PCDH15: variants seen among roughly 807,000 people sequenced by gnomAD.
PCDH15 encodes the protein protocadherin-15.
PCDH15 carries 129 observed loss-of-function variants against 178.5 expected under a neutral mutation model. The observed-to-expected ratio is 0.72, with a 90% CI of 0.63 to 0.84. The LOEUF is 0.84. Among genes scored for constraint, PCDH15 ranks in the 40% least tolerant of loss-of-function variants. The pLI, the probability that PCDH15 is intolerant of heterozygous loss-of-function variation, is 0.00. For missense variants in PCDH15, 2,230 were observed against 2,099.9 expected (o/e 1.06, Z -1.21); for synonymous variants, 800 against 732.0 (o/e 1.09, Z -1.50).
At chr10:55,359,230 T>A (rs1251698276) in intron 2 of PCDH15, among the ~76,000 whole-genome samples, 2 of 151,786 alleles carry the variant, frequency 1.3e-5, no homozygotes, top group African/African-American at 2.4e-5. Context: ...GTTTTTTTTT[T>A]AAATGGCACA....
chr10:54,216,265 G>C (rs1246116445), intron 9 of PCDH15, among the ~76,000 whole-genome samples: 1 of 151,790 alleles, frequency 6.6e-6, no homozygotes, highest in Non-Finnish European at 1.5e-5. Context: ...AGACCAGCCT[G>C]GCCAACATGG....
intron 21 of PCDH15, among the ~76,000 whole-genome samples, chr10:53,964,218 G>A (rs2088690952): frequency 6.6e-6 from 1 of 151,850 alleles, no homozygotes; most frequent in Non-Finnish European, 1.5e-5. Flanking sequence ...TGAAATTATA[G>A]CATATATTTT....
chr10:53,959,936 G>A, intron 22 of PCDH15, 92 bp from the exon 23 acceptor site: 2 of 998,268 alleles, frequency 2.0e-6, no homozygotes, highest in Non-Finnish European at 3.1e-6. Context: ...TTATTGGATT[G>A]CCTGGTTCCA....
At chr10:55,392,336 A>T (rs1565091384) in intron 2 of PCDH15, among the ~76,000 whole-genome samples, 1 of 152,214 alleles carries the variant, frequency 6.6e-6, no homozygotes, top group South Asian at 2.1e-4. Context: ...AATAGTTGCA[A>T]AGTGCAATAA....
chr10:55,112,813 A>G lies in PCDH15; in HGVS notation c.-80+53763T>C, dbSNP rs148895693. Among the ~76,000 whole-genome samples the G allele has an allele frequency of 3.1e-3, 477 of 152,312 alleles. 3 individuals are homozygous for G. The highest frequency in any genetic ancestry group is 0.011 in the African/African-American group (467 of 41,566). On this transcript the variant is annotated intron_variant, in intron 2 of 5. Coordinates refer to the PCDH15 transcript ENST00000458638. ...GCAACACACTTATCAATCAAAAGGTAGATAGTAGCTAGAAATTAGCCAGCC... is the reference window on the plus strand; with the variant it reads ...GCAACACACTTATCAATCAAAAGGTGGATAGTAGCTAGAAATTAGCCAGCC...
intron 3 of PCDH15, among the ~76,000 whole-genome samples, chr10:54,456,229 G>C (rs1025364216): frequency 5.9e-5 from 9 of 152,284 alleles, no homozygotes; most frequent in African/African-American, 2.2e-4. Context: ...GACACTGAAT[G>C]TCAGCCTGTG....
chr10:54,717,821 C>T (rs9971072), intron 1 of PCDH15, among the ~76,000 whole-genome samples: 112,594 of 141,352 alleles, frequency 0.8, 48,237 homozygotes, highest in Non-Finnish European at 0.92. Context: ...CGTATGTTTA[C>T]TGCGGCACTA....
intron 3 of PCDH15, among the ~76,000 whole-genome samples, chr10:54,818,041 C>A (rs1056338177): frequency 2.0e-5 from 3 of 151,952 alleles, no homozygotes; most frequent in African/African-American, 4.8e-5. Flanking sequence ...TTAGTAACAA[C>A]CCTAAAGTTT....
chr10:55,509,296 CA>C (rs1565207845), intron 2 of PCDH15, among the ~76,000 whole-genome samples: 1 of 151,590 alleles, frequency 6.6e-6, no homozygotes, highest in Non-Finnish European at 1.5e-5. Context: ...AAGACTGTAA[CA>C]AATATTACAG....
At chr10:54,099,513 A>AAAAAAAATATATATAT (rs1347306483) in intron 15 of PCDH15, among the ~76,000 whole-genome samples, 17 of 117,884 alleles carry the variant, frequency 1.4e-4, no homozygotes, top group African/African-American at 6.1e-4. Flanking sequence ...AAAAAAAAAA[A>AAAAAAAATATATATAT]ATATATATAT....
At chr10:54,870,807 AAT>A (rs1290627299) in intron 3 of PCDH15, among the ~76,000 whole-genome samples, 3 of 9,804 alleles carry the variant, frequency 3.1e-4, no homozygotes, top group African/African-American at 3.4e-4. Flanking sequence ...AAAATAAAAA[AAT>A]AAAAAAAAAA....
intron 2 of PCDH15, among the ~76,000 whole-genome samples, chr10:54,573,851 C>A (rs116640986): frequency 3.0e-4 from 45 of 152,218 alleles, no homozygotes; most frequent in African/African-American, 1.1e-3. Flanking sequence ...AGTCCCTGCA[C>A]CTTATCCTTA....
intron 1 of PCDH15, among the ~76,000 whole-genome samples, chr10:55,206,475 T>C (rs2132164916): frequency 1.3e-5 from 2 of 152,224 alleles, no homozygotes; most frequent in South Asian, 4.1e-4. Flanking sequence ...GTTAGTAGTT[T>C]TCTCTCAGCT....
chr10:55,312,287 T>G (rs1173788628), intron 1 of PCDH15, among the ~76,000 whole-genome samples: 1 of 152,080 alleles, frequency 6.6e-6, no homozygotes, highest in African/African-American at 2.4e-5. Context: ...AAATGCTATA[T>G]GAATGCAATG....
chr10:54,153,062 C>G (rs2044699820), intron 14 of PCDH15, 38 bp downstream of exon 14: 1 of 1,607,966 alleles, frequency 6.2e-7, no homozygotes. Context: ...GTTAAACGGG[C>G]CCGATGAAAA....
chr10:54,459,719 A>G (rs1266329316), intron 3 of PCDH15, among the ~76,000 whole-genome samples: 1 of 152,104 alleles, frequency 6.6e-6, no homozygotes, highest in Non-Finnish European at 1.5e-5. Flanking sequence ...AAATTGCAGT[A>G]ATGGATGGAT....
intron 1 of PCDH15, among the ~76,000 whole-genome samples, chr10:55,274,804 G>C (rs778788283): frequency 3.3e-5 from 5 of 152,036 alleles, no homozygotes; most frequent in Admixed American, 1.3e-4. Flanking sequence ...ATCAGGCATT[G>C]TATTCTCATA....
At chr10:53,919,168 A>G (rs2083783806) in intron 25 of PCDH15, among the ~76,000 whole-genome samples, 1 of 152,152 alleles carries the variant, frequency 6.6e-6, no homozygotes, top group African/African-American at 2.4e-5. Context: ...ACATCTGGGA[A>G]GTCCCTTATC....
At chr10:55,560,681 G>C (rs957074921) in intron 2 of PCDH15, among the ~76,000 whole-genome samples, 2 of 151,786 alleles carry the variant, frequency 1.3e-5, no homozygotes, top group African/African-American at 4.8e-5. Flanking sequence ...TAATATCAAT[G>C]ATCTTCAAAC....
Sources: allele counts gnomAD v4.1 joint callset (sites outside exome capture counted in the v4.1 genomes callset), GRCh38; gene constraint gnomAD v4.1.1; transcripts MANE v1.5; gene names NCBI Gene and HGNC (gene_info 2026-07-23, HGNC 2026-07-21).